Variants in SOS2 observed in about 807,000 individuals in gnomAD.
SOS2 encodes son of sevenless homolog 2.
Under a neutral mutation model 148.2 loss-of-function variants are expected in SOS2, and 65 were observed. The ratio of observed to expected loss-of-function variants is 0.44; its 90% CI spans 0.36 to 0.54. SOS2 has a LOEUF of 0.54. Among genes scored for constraint, SOS2 ranks in the 20% least tolerant of loss-of-function variants. SOS2 has a pLI of 0.00. For synonymous variants in SOS2, 539 were observed against 537.1 expected (o/e 1.00, Z -0.05); for missense variants, 1,341 against 1,590.2 (o/e 0.84, Z 2.67).
intron 1 of SOS2, among the ~76,000 whole-genome samples, chr14:50,211,334 T>C (rs946844507): frequency 1.3e-5 from 2 of 152,202 alleles, no homozygotes; most frequent in African/African-American, 4.8e-5. Flanking sequence ...ATTTTCGTTT[T>C]TAACTTTTAT....
Position 50,153,141 on chromosome 14 carries a change from T to G in SOS2, c.2090A>C (p.His697Pro). 1 of 1,606,458 alleles carries G rather than the reference T, an allele frequency of 6.2e-7. No homozygotes were observed. Among genetic ancestry groups the G allele is most frequent in the South Asian group, 1.1e-5 (1 of 90,678 alleles). ...ILNVFRHWVE[H>P]HFYDFERDLE... ...GTCTCTTTCAAAGTCATAAAAATGA[T>G]GTTCAACCCAATGCCGAAATACATT... The change falls in exon 13 of 23, where the codon CAT (histidine) becomes CCT (proline). Residue 697 changes from histidine to proline, a missense_variant. Around this residue, in one of 4 missense-constraint regions of SOS2, gnomAD observed 408 missense variants for 506.6 expected, o/e 0.81. Transcript: ENST00000216373.
At chr14:50,203,002 A>G (rs1323728355) in intron 2 of SOS2, among the ~76,000 whole-genome samples, 1 of 151,614 alleles carries the variant, frequency 6.6e-6, no homozygotes, top group Non-Finnish European at 1.5e-5. Context: ...CAAAAATAAA[A>G]ATAAAAATTA....
In SOS2 at chr14:50,125,240, G is replaced by A. The variant is rs377293800; in HGVS notation, c.3379+4721C>T. ...TATGACAATGGAGGCAAAGACTGAA[G>A]TGAGGCATCTACAAATCAGGAGATG... On this transcript the variant is annotated intron_variant, in intron 21 of 22. Coordinates refer to ENST00000216373, the MANE Select transcript of SOS2 (RefSeq NM_006939.4). Among the ~76,000 whole-genome samples the A allele has an allele frequency of 1.1e-4, 17 of 152,334 alleles. No homozygotes were observed. The South Asian group carries it at 1.2e-3, about 11-fold the overall frequency.
At chr14:50,183,849 C>T (rs1464507735) in intron 5 of SOS2, among the ~76,000 whole-genome samples, 2 of 152,228 alleles carry the variant, frequency 1.3e-5, no homozygotes, top group African/African-American at 2.4e-5. Flanking sequence ...CTGTGAATTA[C>T]AGCCATTCAC....
chr14:50,223,671 C>G (rs1466608862), intron 1 of SOS2, among the ~76,000 whole-genome samples: 2 of 151,846 alleles, frequency 1.3e-5, no homozygotes, highest in Admixed American at 1.3e-4. Flanking sequence ...GAGACTCCAT[C>G]TAAAACAAAC....
At chr14:50,164,246 G>T (rs546423024) in intron 8 of SOS2, among the ~76,000 whole-genome samples, 90 of 152,164 alleles carry the variant, frequency 5.9e-4, no homozygotes, top group Admixed American at 1.8e-3. Context: ...TTCAAGACCA[G>T]CCTGACCACA....
chr14:50,130,797 T>C (rs1462821775), intron 19 of SOS2, 35 bp from the exon 20 acceptor site: 2 of 1,559,706 alleles, frequency 1.3e-6, no homozygotes, highest in Non-Finnish European at 1.7e-6. Flanking sequence ...GTCACAAATT[T>C]GCATAGACAA....
At chr14:50,182,730 G>C in intron 5 of SOS2, 124 bp from the exon 6 acceptor site, 1 of 694,864 alleles carries the variant, frequency 1.4e-6, no homozygotes, top group Non-Finnish European at 2.4e-6. Flanking sequence ...TGCTCCACAA[G>C]AAACAGTACT....
At chr14:50,203,741 T>C (rs1458320844) in intron 2 of SOS2, among the ~76,000 whole-genome samples, 4 of 151,996 alleles carry the variant, frequency 2.6e-5, no homozygotes, top group African/African-American at 9.7e-5. Context: ...TGTTGAGTTT[T>C]AGAAATGCTT....
At chr14:50,199,585 C>T (rs1886417988) in intron 4 of SOS2, 106 bp downstream of exon 4, 2 of 619,154 alleles carry the variant, frequency 3.2e-6, no homozygotes, top group East Asian at 6.4e-5. Flanking sequence ...TCTTCCAGTA[C>T]TAGCAATTAT....
chr14:50,156,184 T>C (rs970122304), intron 12 of SOS2: 2 of 151,952 alleles, frequency 1.3e-5, no homozygotes, highest in African/African-American at 4.8e-5. Flanking sequence ...AGGAGGAAGA[T>C]AATACTTTGG....
chr14:50,119,994 G>C (rs527844556), intron 22 of SOS2, among the ~76,000 whole-genome samples: 5 of 151,888 alleles, frequency 3.3e-5, no homozygotes, highest in Non-Finnish European at 7.4e-5. Context: ...TGTATTTTTA[G>C]TAGAGATGGG....
intron 12 of SOS2, among the ~76,000 whole-genome samples, chr14:50,154,956 GTATT>G (rs1412903825): frequency 6.6e-6 from 1 of 152,128 alleles, no homozygotes; most frequent in African/African-American, 2.4e-5. Flanking sequence ...AGAAAAAAAT[GTATT>G]TAATTATATG....
At chr14:50,209,595 C>G (rs1180983330) in intron 1 of SOS2, among the ~76,000 whole-genome samples, 1 of 151,678 alleles carries the variant, frequency 6.6e-6, no homozygotes, top group Non-Finnish European at 1.5e-5. Flanking sequence ...GGTGAAACAC[C>G]ACTTCTACAA....
intron 7 of SOS2, among the ~76,000 whole-genome samples, chr14:50,177,180 C>T (rs1406961473): frequency 7.9e-5 from 12 of 151,822 alleles, no homozygotes; most frequent in Admixed American, 1.3e-4. Flanking sequence ...ATTAGCCAGG[C>T]GTGGTGGTCC....
intron 21 of SOS2, among the ~76,000 whole-genome samples, chr14:50,129,652 T>C (rs867043413): frequency 1.3e-5 from 2 of 152,372 alleles, no homozygotes; most frequent in Middle Eastern, 3.4e-3. Context: ...CCCAAAGTGC[T>C]GGGATTACAG....
At chr14:50,168,623 G>C (rs1418580114) in intron 8 of SOS2, among the ~76,000 whole-genome samples, 1 of 152,114 alleles carries the variant, frequency 6.6e-6, no homozygotes, top group Non-Finnish European at 1.5e-5. Flanking sequence ...TTCTGGATAA[G>C]AATCTTTTAT....
intron 19 of SOS2, among the ~76,000 whole-genome samples, chr14:50,131,519 T>C (rs1411167120): frequency 6.6e-6 from 1 of 151,480 alleles, no homozygotes; most frequent in African/African-American, 2.4e-5. Flanking sequence ...TACTAACTTA[T>C]TATAACATGT....
At chr14:50,151,206 A>G (rs1163219375) in intron 13 of SOS2, among the ~76,000 whole-genome samples, 1 of 152,216 alleles carries the variant, frequency 6.6e-6, no homozygotes, top group Non-Finnish European at 1.5e-5. Flanking sequence ...AAGATTGCAC[A>G]TATTGCACTG....
Sources: gnomAD v4.1 joint callset for allele counts (sites outside exome capture counted in the v4.1 genomes callset) on GRCh38, gnomAD v4.1.1 for gene constraint, gnomAD v4.1.1 regional missense constraint, MANE v1.5 for transcripts, NCBI Gene and HGNC (gene_info 2026-07-23, HGNC 2026-07-21) for gene names.